Variants in PTPRG observed in about 807,000 individuals in gnomAD.
PTPRG encodes receptor-type tyrosine-protein phosphatase gamma.
Under a neutral mutation model 165.3 loss-of-function variants are expected in PTPRG, and 102 were observed. That is an observed-to-expected ratio of 0.62 (90% CI 0.53 to 0.73). The LOEUF (loss-of-function observed/expected upper bound fraction) is 0.73. PTPRG is among the 30% of genes least tolerant of loss of function. The pLI is 0.00. For synonymous variants in PTPRG, 675 were observed against 669.5 expected, an observed-to-expected ratio of 1.01 and a Z score of -0.13; for missense variants, 1,866 against 1,861.4, an observed-to-expected ratio of 1.00 and a Z score of -0.05.
intron 5 of PTPRG, among the ~76,000 whole-genome samples, chr3:62,106,408 C>T (rs1237388032): frequency 6.6e-6 from 1 of 151,958 alleles, no homozygotes; most frequent in Non-Finnish European, 1.5e-5. Flanking sequence ...GTCAGATATC[C>T]AACAGCTAAA....
At chr3:61,969,493 T>A (rs1004138750) in intron 2 of PTPRG, among the ~76,000 whole-genome samples, 1 of 152,196 alleles carries the variant, frequency 6.6e-6, no homozygotes, top group Non-Finnish European at 1.5e-5. Flanking sequence ...ATACACATTA[T>A]CCTTTTCAGC....
chr3:61,763,522 C>A (rs1176386596), intron 2 of PTPRG, among the ~76,000 whole-genome samples: 1 of 99,746 alleles, frequency 1.0e-5, no homozygotes, highest in Non-Finnish European at 2.1e-5. Context: ...CCTGCTACCA[C>A]GCCCAGCTAA....
At chr3:61,833,228 A>T (rs1021763470) in intron 2 of PTPRG, among the ~76,000 whole-genome samples, 1 of 152,148 alleles carries the variant, frequency 6.6e-6, no homozygotes, top group Non-Finnish European at 1.5e-5. Context: ...ATTGAATTCT[A>T]CATATGACCC....
intron 4 of PTPRG, among the ~76,000 whole-genome samples, chr3:62,057,488 C>T (rs372333206): frequency 2.6e-5 from 4 of 152,340 alleles, no homozygotes; most frequent in African/African-American, 9.6e-5. Context: ...AGTGGTGTTA[C>T]CATGTCCGCA....
intron 14 of PTPRG, among the ~76,000 whole-genome samples, chr3:62,239,639 CG>C (rs1315612436): frequency 1.3e-5 from 2 of 152,026 alleles, no homozygotes; most frequent in Non-Finnish European, 2.9e-5. Flanking sequence ...GGATTACAGG[CG>C]TGAGTCACTG....
intron 4 of PTPRG, among the ~76,000 whole-genome samples, chr3:62,022,004 T>G (rs149301509): frequency 6.6e-6 from 1 of 152,204 alleles, no homozygotes; most frequent in African/African-American, 2.4e-5. Flanking sequence ...GTCTTTTACT[T>G]TCCAATGTAG....
At chr3:62,091,274 A>G (rs1332027248) in intron 5 of PTPRG, among the ~76,000 whole-genome samples, 1 of 152,230 alleles carries the variant, frequency 6.6e-6, no homozygotes, top group Admixed American at 6.5e-5. Context: ...AGTCTTAACT[A>G]GTTGTTATTG....
intron 10 of PTPRG, among the ~76,000 whole-genome samples, chr3:62,196,509 A>G (rs1011214070): frequency 3.3e-5 from 5 of 152,190 alleles, no homozygotes; most frequent in Non-Finnish European, 2.9e-5. Flanking sequence ...AGATAGATAC[A>G]CTCTGTCTTA....
At chr3:61,888,199 T>TTG (rs58409759) in intron 2 of PTPRG, among the ~76,000 whole-genome samples, 3,564 of 150,216 alleles carry the variant, frequency 0.024, 63 homozygotes, top group South Asian at 0.053. Flanking sequence ...TTTTAAATCT[T>TTG]TGTGTGTGTG....
Position 62,105,260 on chromosome 3 carries a change from G to A in PTPRG, c.615+27002G>A, listed in dbSNP as rs183358028. Among the ~76,000 whole-genome samples the A allele has an allele frequency of 2.0e-5, 3 of 152,240 alleles. No homozygotes were observed. In the East Asian group the frequency reaches 5.8e-4, roughly 29 times the overall value. On this transcript the variant is annotated intron_variant, in intron 5 of 29. Transcript: ENST00000474889. Reference sequence around the variant, plus strand: ...TGGGAAAATTGGTTGTATTTCCAGGGCATCCGTATTAGCAGGAGTAGCCAA... The same window carrying A: ...TGGGAAAATTGGTTGTATTTCCAGGACATCCGTATTAGCAGGAGTAGCCAA...
intron 2 of PTPRG, chr3:61,753,582 A>C: frequency 2.9e-6 from 1 of 350,294 alleles, no homozygotes; most frequent in South Asian, 1.9e-5. Flanking sequence ...TAGAAATTTG[A>C]GGGTTTTTTT....
At chr3:61,756,707 G>A (rs2033645909) in intron 2 of PTPRG, among the ~76,000 whole-genome samples, 1 of 152,144 alleles carries the variant, frequency 6.6e-6, no homozygotes, top group South Asian at 2.1e-4. Flanking sequence ...ACATTCCTTA[G>A]GGGCCTTGTG....
At chr3:61,770,051 A>G (rs1335616982) in intron 2 of PTPRG, 1 of 152,238 alleles carries the variant, frequency 6.6e-6, no homozygotes, top group Non-Finnish European at 1.5e-5. Context: ...AGCCAATTCC[A>G]GAAGTTTCCT....
chr3:61,588,241 T>G (rs148278604), intron 1 of PTPRG, among the ~76,000 whole-genome samples: 1 of 152,152 alleles, frequency 6.6e-6, no homozygotes, highest in Admixed American at 6.5e-5. Context: ...TTCAACTCTT[T>G]TTGATCTGGT....
At chr3:62,093,539 T>C (rs935361255) in intron 5 of PTPRG, among the ~76,000 whole-genome samples, 3 of 152,210 alleles carry the variant, frequency 2.0e-5, no homozygotes, top group African/African-American at 7.2e-5. Flanking sequence ...AACCCAGGTA[T>C]GAGATTTGCT....
chr3:62,184,802 G>T (rs1705806736), intron 8 of PTPRG, among the ~76,000 whole-genome samples: 1 of 152,206 alleles, frequency 6.6e-6, no homozygotes, highest in African/African-American at 2.4e-5. Flanking sequence ...TAGTGAATCT[G>T]CACCGAATTG....
At chr3:61,703,268 C>G (rs1225706102) in intron 1 of PTPRG, among the ~76,000 whole-genome samples, 1 of 152,030 alleles carries the variant, frequency 6.6e-6, no homozygotes, top group East Asian at 1.9e-4. Flanking sequence ...CTATCATTTT[C>G]CGACTGATGC....
In PTPRG at chr3:61,866,582, C is replaced by CTTTTTTT. The variant is rs532356516; in HGVS notation, c.190+117630_190+117636dup. Reference sequence around the variant, plus strand: ...TTCCCTGGCTTTGGAACTGTTTGCTCTTTTTTTTTTTTTTTTTTTTTTTTT... The same window carrying CTTTTTTT: ...TTCCCTGGCTTTGGAACTGTTTGCTCTTTTTTTTTTTTTTTTTTTTTTTTTTTTTTTT... On this transcript the variant is annotated intron_variant, in intron 2 of 29. Transcript: ENST00000474889. 8.5e-4 allele frequency among the ~76,000 whole-genome samples: 59 copies of CTTTTTTT among 69,106 alleles called. 14 individuals carry two copies. The highest frequency in any genetic ancestry group is 1.8e-3 in the South Asian group (2 of 1,112). 45.3% of individuals were successfully genotyped at this position (69,106 alleles called of 152,430 possible). A position where few individuals can be genotyped will look rare whatever the true frequency, so the allele number is the denominator to read the frequency against.
At chr3:62,159,740 A>G (rs1385882204) in intron 7 of PTPRG, among the ~76,000 whole-genome samples, 1 of 152,196 alleles carries the variant, frequency 6.6e-6, no homozygotes, top group African/African-American at 2.4e-5. Flanking sequence ...TTTGCTTTCC[A>G]GGTTCTTTGC....
Sources: gnomAD v4.1 joint callset for allele counts (sites outside exome capture counted in the v4.1 genomes callset) on GRCh38, gnomAD v4.1.1 for gene constraint, MANE v1.5 for transcripts, NCBI Gene and HGNC (gene_info 2026-07-23, HGNC 2026-07-21) for gene names.